The following PCGF5 variants were observed in gnomAD, a reference collection of about 807,000 sequenced individuals.
The protein encoded by PCGF5 is polycomb group ring finger 5.
Under a neutral mutation model 44.3 loss-of-function variants are expected in PCGF5, and 9 were observed. The ratio of observed to expected loss-of-function variants is 0.20; its 90% CI spans 0.12 to 0.35. The LOEUF (loss-of-function observed/expected upper bound fraction) is 0.35, where lower values mean the gene tolerates loss of function less well. Ranked by LOEUF, PCGF5 falls within the 10% of genes least tolerant of loss-of-function variation. PCGF5 has a pLI of 1.00. For synonymous variants in PCGF5, 95 were observed against 102.5 expected (o/e 0.93, Z 0.44); for missense variants, 146 against 305.3 (o/e 0.48, Z 3.89).
chr10:91,201,843 C>T (rs1332610803), intron 1 of PCGF5, among the ~76,000 whole-genome samples: 2 of 151,184 alleles, frequency 1.3e-5, no homozygotes, highest in Non-Finnish European at 2.9e-5. Context: ...GACTTTTGAT[C>T]ATAGTGATGA....
At position 91,195,135 on chromosome 10, in the gene PCGF5, G is replaced by A. The variant is rs542477363; in HGVS notation, c.-183-27554G>A. On this transcript the variant is annotated intron_variant, in intron 1 of 9. Coordinates refer to the PCGF5 transcript ENST00000614189. ...GAGAAAAGATGAGAAATAGTCCATC[G>A]GGAAATTGGGAGATTAGTAGAAGAG... Among the ~76,000 whole-genome samples the A allele has an allele frequency of 4.6e-5, 7 of 152,134 alleles. No individual in the cohort carries two copies. In the East Asian group the frequency reaches 1.2e-3, roughly 25 times the overall value.
At position 91,220,812 on chromosome 10, in the gene PCGF5, G is replaced by A; in HGVS notation, c.-208G>A. The A allele has an allele frequency of 6.5e-6, 1 of 154,184 alleles. No individual in the cohort carries two copies. The highest frequency in any genetic ancestry group is 1.4e-5 in the Non-Finnish European group (1 of 69,696). The allele number at this position is 154,184 out of a possible 1,614,324, so 9.6% of individuals were successfully genotyped here. ...TGAGGCCGGCGCGCTGGCGGGCGAGGAGCGGCGGCGGTGGCGGCCGCTGGG... is the reference window on the plus strand; with the variant it reads ...TGAGGCCGGCGCGCTGGCGGGCGAGAAGCGGCGGCGGTGGCGGCCGCTGGG... On this transcript the variant is annotated 5_prime_UTR_variant, in exon 1 of 10. Coordinates refer to ENST00000336126, the MANE Select transcript of PCGF5 (RefSeq NM_032373.5).
chr10:91,210,290 A>G (rs929231714), intron 1 of PCGF5, among the ~76,000 whole-genome samples: 1 of 152,216 alleles, frequency 6.6e-6, no homozygotes, highest in African/African-American at 2.4e-5. Context: ...ACTTGTGTTC[A>G]TTGAACGATG....
At chr10:91,224,843 T>C (rs1844774341) in intron 2 of PCGF5, among the ~76,000 whole-genome samples, 1 of 152,160 alleles carries the variant, frequency 6.6e-6, no homozygotes, top group African/African-American at 2.4e-5. Context: ...GTGGACATAC[T>C]TTGAAGGAAG....
chr10:91,196,909 G>A (rs569800077), intron 1 of PCGF5, among the ~76,000 whole-genome samples: 8 of 152,252 alleles, frequency 5.3e-5, no homozygotes, highest in South Asian at 4.1e-4. Context: ...ACTGGTGGAC[G>A]AGATATAATC....
At chr10:91,249,371 GTATATATA>G (rs3074316) in intron 5 of PCGF5, among the ~76,000 whole-genome samples, 1,441 of 120,266 alleles carry the variant, frequency 0.012, 9 homozygotes, top group Admixed American at 0.016. Flanking sequence ...GGCTTTTAGT[GTATATATA>G]TATATATATA....
chr10:91,224,868 C>T (rs1844774990), intron 2 of PCGF5, among the ~76,000 whole-genome samples: 1 of 152,056 alleles, frequency 6.6e-6, no homozygotes, highest in Non-Finnish European at 1.5e-5. Context: ...AATTGGCTAC[C>T]CTAGAGTTAT....
chr10:91,256,157 A>G (rs1158017510), intron 6 of PCGF5, among the ~76,000 whole-genome samples: 2 of 152,118 alleles, frequency 1.3e-5, no homozygotes, highest in Non-Finnish European at 2.9e-5. Flanking sequence ...TATTAGGCAT[A>G]GATTTGAAAT....
At position 91,261,538 on chromosome 10, in the gene PCGF5, T is replaced by G. The variant is rs1845908751; in HGVS notation, c.573+114T>G. ...AAATTAATTTTTGTGGAAACTTTGA[T>G]TATTTTTGTGTTAAAAATTTAATTT... is the stretch of plus-strand genomic sequence containing the variant. On this transcript the variant is annotated intron_variant, in intron 7 of 9. Transcript: ENST00000336126. 2.4e-6 allele frequency: 3 copies of G among 1,229,614 alleles called. No individual in the cohort carries two copies. In the Admixed American group the frequency reaches 1.1e-4, roughly 44 times the overall value. 76.2% of individuals were successfully genotyped at this position (1,229,614 alleles called of 1,614,324 possible).
In PCGF5 at chr10:91,186,145, T is replaced by C. The variant is rs78992804; in HGVS notation, c.-184+23064T>C. ...TCAAGTAAATTTTAACTTAAAATCA[T>C]TTTGGTATTTCTTTACTTTTAACAT... On this transcript the variant is annotated intron_variant, in intron 1 of 9. Coordinates refer to the PCGF5 transcript ENST00000614189. Among the ~76,000 whole-genome samples the C allele has an allele frequency of 6.9e-3, 1,050 of 152,316 alleles. 10 individuals are homozygous for C. The highest frequency in any genetic ancestry group is 0.024 in the African/African-American group (1,008 of 41,568).
chr10:91,263,913 C>G (rs1426395193), intron 7 of PCGF5, among the ~76,000 whole-genome samples: 1 of 152,130 alleles, frequency 6.6e-6, no homozygotes, highest in Non-Finnish European at 1.5e-5. Context: ...TCTCATATAC[C>G]TTTAAGGCCC....
At chr10:91,258,319 C>A (rs1845808603) in intron 6 of PCGF5, among the ~76,000 whole-genome samples, 1 of 152,110 alleles carries the variant, frequency 6.6e-6, no homozygotes. Context: ...TTCCTAATTT[C>A]TTGACAGATG....
intron 1 of PCGF5, among the ~76,000 whole-genome samples, chr10:91,197,950 A>T (rs773421619): frequency 6.6e-6 from 1 of 152,218 alleles, no homozygotes; most frequent in East Asian, 1.9e-4. Flanking sequence ...CATTCAATAA[A>T]TATTGATTAT....
chr10:91,160,759 C>T (rs992100007), upstream of PCGF5, among the ~76,000 whole-genome samples: 1 of 151,982 alleles, frequency 6.6e-6, no homozygotes, highest in Non-Finnish European at 1.5e-5. Context: ...GAGGATAGAA[C>T]GGTAATGGAA....
chr10:91,229,355 CAGAA>C lies in PCGF5; in HGVS notation c.112+6375_112+6378del, dbSNP rs200562325. Among the ~76,000 whole-genome samples the C allele has an allele frequency of 5.3e-4, 80 of 152,276 alleles. No individual in the cohort carries two copies. The East Asian group carries it at 0.014, about 28-fold the overall frequency. On this transcript the variant is annotated intron_variant, in intron 2 of 9. Coordinates refer to ENST00000336126, the MANE Select transcript of PCGF5 (RefSeq NM_032373.5). ...CATGACAAATGCTATGAGTTAAAAACAGAAAGGTCTTTCTTGGAAGTGGCCATCT... is the reference window on the plus strand; with the variant it reads ...CATGACAAATGCTATGAGTTAAAAACAGGTCTTTCTTGGAAGTGGCCATCT...
intron 1 of PCGF5, among the ~76,000 whole-genome samples, chr10:91,193,125 G>A (rs529358367): frequency 1.2e-3 from 180 of 152,254 alleles, no homozygotes; most frequent in Non-Finnish European, 1.4e-3. Context: ...AACGCAAGAA[G>A]GAAGGCATGT....
intron 1 of PCGF5, among the ~76,000 whole-genome samples, chr10:91,208,662 G>A (rs1227815850): frequency 6.6e-6 from 1 of 152,162 alleles, no homozygotes; most frequent in Admixed American, 6.5e-5. Flanking sequence ...TAGGCATAGG[G>A]GAGAGAGGAT....
chr10:91,240,076 A>G (rs978186766), intron 2 of PCGF5, among the ~76,000 whole-genome samples: 4 of 152,190 alleles, frequency 2.6e-5, no homozygotes, highest in Non-Finnish European at 5.9e-5. Flanking sequence ...CTCAAGTTGT[A>G]TTGAGTTATT....
chr10:91,257,797 TAAG>T (rs1247837667), intron 6 of PCGF5, among the ~76,000 whole-genome samples: 4 of 152,090 alleles, frequency 2.6e-5, no homozygotes, highest in African/African-American at 9.7e-5. Context: ...AAACTGCAGA[TAAG>T]GAGGGACTAC....
Sources: gnomAD v4.1 joint callset for allele counts (sites outside exome capture counted in the v4.1 genomes callset) on GRCh38, gnomAD v4.1.1 for gene constraint, MANE v1.5 for transcripts, NCBI Gene and HGNC (gene_info 2026-07-23, HGNC 2026-07-21) for gene names.